Variants in EYS observed in about 807,000 individuals in gnomAD.
EYS encodes the protein protein eyes shut homolog.
In EYS, 250 loss-of-function variants were observed where a neutral mutation model predicts 282.1. That is an observed-to-expected ratio of 0.89 (90% CI 0.80 to 0.98). The LOEUF (loss-of-function observed/expected upper bound fraction) is 0.98, where lower values mean the gene tolerates loss of function less well. Among genes scored for constraint, EYS ranks in the 50% least tolerant of loss-of-function variants. The probability of loss-of-function intolerance (pLI) is 0.00; values close to 1 mark genes in which losing one functional copy is unlikely to be tolerated. For synonymous variants in EYS, 1,355 were observed against 1,282.9 expected (o/e 1.06, Z -1.20); for missense variants, 4,016 against 3,709.0 (o/e 1.08, Z -2.15).
intron 14 of EYS, among the ~76,000 whole-genome samples, chr6:64,960,449 G>T (rs1769873325): frequency 6.6e-6 from 1 of 152,056 alleles, no homozygotes; most frequent in Non-Finnish European, 1.5e-5. Context: ...CTAGGTCACT[G>T]AATACAGTGT....
chr6:65,628,542 A>C, intron 2 of EYS, among the ~76,000 whole-genome samples: 1 of 152,108 alleles, frequency 6.6e-6, no homozygotes, highest in Non-Finnish European at 1.5e-5. Flanking sequence ...CTTTGGGTCC[A>C]CGCTGCTTTT....
At chr6:65,557,350 G>A (rs1273257782) in intron 2 of EYS, among the ~76,000 whole-genome samples, 1 of 152,218 alleles carries the variant, frequency 6.6e-6, no homozygotes. Flanking sequence ...CATACAGGCA[G>A]GCATGCCAGC....
chr6:63,914,563 T>C (rs563263744), intron 35 of EYS, among the ~76,000 whole-genome samples: 8 of 151,822 alleles, frequency 5.3e-5, no homozygotes, highest in African/African-American at 1.9e-4. Flanking sequence ...CAAAAATTAG[T>C]TGGGCATGGT....
chr6:64,610,078 T>C (rs1356840905), intron 24 of EYS, among the ~76,000 whole-genome samples: 1 of 152,196 alleles, frequency 6.6e-6, no homozygotes, highest in East Asian at 1.9e-4. Context: ...TGCCCAACTC[T>C]CCAATGGGTT....
intron 12 of EYS, among the ~76,000 whole-genome samples, chr6:65,260,034 T>C (rs754143433): frequency 7.2e-5 from 11 of 151,856 alleles, no homozygotes; most frequent in Non-Finnish European, 1.5e-4. Flanking sequence ...AGTAAAGAGG[T>C]TTAATTGACT....
intron 2 of EYS, among the ~76,000 whole-genome samples, chr6:65,513,000 A>AG (rs1490734917): frequency 6.6e-6 from 1 of 152,194 alleles, no homozygotes; most frequent in Non-Finnish European, 1.5e-5. Context: ...TGAATCCACA[A>AG]GCTGGTTTTT....
intron 26 of EYS, among the ~76,000 whole-genome samples, chr6:64,447,008 A>C (rs1279403387): frequency 1.3e-5 from 2 of 151,782 alleles, no homozygotes; most frequent in Admixed American, 6.6e-5. Context: ...GCTCATGTAC[A>C]TTTGCAACTT....
intron 13 of EYS, among the ~76,000 whole-genome samples, chr6:65,017,427 T>G (rs2150136477): frequency 6.6e-6 from 1 of 152,332 alleles, no homozygotes; most frequent in Middle Eastern, 3.4e-3. Context: ...AATAAAACAT[T>G]AATATCCATG....
chr6:65,427,877 G>A (rs1365279030), intron 5 of EYS, among the ~76,000 whole-genome samples: 1 of 151,844 alleles, frequency 6.6e-6, no homozygotes. Context: ...ATATATTTAG[G>A]ATGCTTCCAC....
intron 12 of EYS, among the ~76,000 whole-genome samples, chr6:65,248,245 A>G (rs1767231840): frequency 6.6e-6 from 1 of 152,156 alleles, no homozygotes; most frequent in African/African-American, 2.4e-5. Context: ...TTTGAGTAAT[A>G]GGCAATAACA....
chr6:65,417,895 A>C (rs147352202), intron 5 of EYS, among the ~76,000 whole-genome samples: 8 of 152,128 alleles, frequency 5.3e-5, no homozygotes, highest in African/African-American at 1.2e-4. Flanking sequence ...GTACCTAAAA[A>C]CATGTAAATC....
rs953017134 is a variant in EYS at position 64,679,636 on chromosome 6, T to A, written c.3444-53391A>T. Reference sequence around the variant, plus strand: ...TTCCCTTGATATGATTAAATAAGTCTCCACACCCAACTGCAGTGTGTGGGA... The same window carrying A: ...TTCCCTTGATATGATTAAATAAGTCACCACACCCAACTGCAGTGTGTGGGA... On this transcript the variant is annotated intron_variant, in intron 22 of 42. Transcript: ENST00000503581. Among the ~76,000 whole-genome samples the A allele has an allele frequency of 4.7e-4, 72 of 152,206 alleles. 3 individuals are homozygous for A. Among genetic ancestry groups the A allele is most frequent in the Admixed American group, 4.1e-3 (63 of 15,282 alleles).
chr6:64,528,425 C>A lies in EYS; in HGVS notation c.5644+61798G>T, dbSNP rs746794970. Among the ~76,000 whole-genome samples, 4 of 151,816 alleles carry A rather than the reference C, an allele frequency of 2.6e-5. No individual in the cohort carries two copies. The South Asian group carries it at 8.3e-4, about 31-fold the overall frequency. ...TTCTTTTTTCTCCCTCATGACCTTACCCACTTCTTTAGAGCCAGTAGCCTA... is the reference window on the plus strand; with the variant it reads ...TTCTTTTTTCTCCCTCATGACCTTAACCACTTCTTTAGAGCCAGTAGCCTA... On this transcript the variant is annotated intron_variant, in intron 26 of 42. Transcript: ENST00000503581.
chr6:63,971,546 G>A (rs1344094762), intron 35 of EYS, among the ~76,000 whole-genome samples: 2 of 152,136 alleles, frequency 1.3e-5, no homozygotes, highest in African/African-American at 2.4e-5. Context: ...AGAAGAAAAT[G>A]TCATTCTACA....
intron 24 of EYS, among the ~76,000 whole-genome samples, chr6:64,597,370 C>T (rs549414150): frequency 6.6e-6 from 1 of 152,202 alleles, no homozygotes; most frequent in African/African-American, 2.4e-5. Flanking sequence ...ACTGGGTATA[C>T]AGCCAAAGGA....
intron 14 of EYS, among the ~76,000 whole-genome samples, chr6:64,973,156 A>G (rs571398531): frequency 2.4e-4 from 37 of 152,202 alleles, no homozygotes; most frequent in Admixed American, 4.6e-4. Flanking sequence ...TAATTAAGTA[A>G]AATTGCCCAA....
chr6:64,285,797 C>G (rs1443612086), intron 30 of EYS, among the ~76,000 whole-genome samples: 1 of 152,078 alleles, frequency 6.6e-6, no homozygotes, highest in Admixed American at 6.5e-5. Flanking sequence ...AGTGGAAACC[C>G]CTGATAAACC....
At chr6:65,065,733 T>A (rs1345785394) in intron 12 of EYS, among the ~76,000 whole-genome samples, 1 of 152,140 alleles carries the variant, frequency 6.6e-6, no homozygotes, top group Non-Finnish European at 1.5e-5. Context: ...TTTATAGTAA[T>A]TCTTCTTCAC....
chr6:64,252,464 C>G (rs554976540), intron 30 of EYS, among the ~76,000 whole-genome samples: 72 of 152,222 alleles, frequency 4.7e-4, no homozygotes, highest in Admixed American at 4.3e-3. Context: ...CTTAATCATC[C>G]TGTCAATCAT....
Sources: allele counts gnomAD v4.1 joint callset (sites outside exome capture counted in the v4.1 genomes callset), GRCh38; gene constraint gnomAD v4.1.1; transcripts MANE v1.5; gene names NCBI Gene and HGNC (gene_info 2026-07-23, HGNC 2026-07-21).